The following CNTNAP2 variants were observed in gnomAD, a reference collection of about 807,000 sequenced individuals.
CNTNAP2 encodes the protein contactin associated protein 2.
In CNTNAP2, 98 loss-of-function variants were observed where a neutral mutation model predicts 155.2. That is an observed-to-expected ratio of 0.63 (90% confidence interval 0.54 to 0.75). The LOEUF is 0.75. Among genes scored for constraint, CNTNAP2 ranks in the 30% least tolerant of loss-of-function variants. CNTNAP2 has a pLI of 0.00. For missense variants in CNTNAP2, 1,727 were observed against 1,688.1 expected (o/e 1.02, Z -0.40); for synonymous variants, 651 against 631.2 (o/e 1.03, Z -0.47).
intron 1 of CNTNAP2, among the ~76,000 whole-genome samples, chr7:146,241,748 C>T (rs891238886): frequency 1.3e-5 from 2 of 151,982 alleles, no homozygotes; most frequent in African/African-American, 4.8e-5. Context: ...TTCAAGAAAT[C>T]AAGTTTAAAG....
chr7:147,490,434 T>C (rs561184896), intron 11 of CNTNAP2, among the ~76,000 whole-genome samples: 4 of 152,348 alleles, frequency 2.6e-5, no homozygotes, highest in South Asian at 4.1e-4. Flanking sequence ...TGCACCTTAT[T>C]ACAGCACACG....
intron 1 of CNTNAP2, among the ~76,000 whole-genome samples, chr7:146,529,965 A>AAACAACAACAACAAC (rs59533423): frequency 0.012 from 1,749 of 150,624 alleles, 33 homozygotes; most frequent in African/African-American, 0.038. Context: ...CTCCGTCTCA[A>AAACAACAACAACAAC]AACAACAACA....
intron 8 of CNTNAP2, among the ~76,000 whole-genome samples, chr7:147,276,650 T>C (rs1436397368): frequency 6.6e-6 from 1 of 152,082 alleles, no homozygotes; most frequent in Non-Finnish European, 1.5e-5. Flanking sequence ...TGTTTTCTAC[T>C]GTAACAGCAT....
At chr7:148,320,310 A>G (rs1797767209) in intron 21 of CNTNAP2, among the ~76,000 whole-genome samples, 1 of 147,746 alleles carries the variant, frequency 6.8e-6, no homozygotes, top group Non-Finnish European at 1.5e-5. Context: ...GCACTGGACT[A>G]TGGGCAGTGG....
chr7:148,161,578 C>T (rs1220882039), intron 17 of CNTNAP2, among the ~76,000 whole-genome samples: 1 of 152,108 alleles, frequency 6.6e-6, no homozygotes, highest in Admixed American at 6.6e-5. Context: ...GAGTACCTCA[C>T]TCCCACCTAG....
chr7:147,301,213 TAAG>T (rs945269454), intron 9 of CNTNAP2, among the ~76,000 whole-genome samples: 2 of 152,290 alleles, frequency 1.3e-5, no homozygotes, highest in East Asian at 3.9e-4. Flanking sequence ...AAAAGATTAG[TAAG>T]AAGAAGATTA....
intron 2 of CNTNAP2, among the ~76,000 whole-genome samples, chr7:146,835,229 G>T (rs60667967): frequency 0.17 from 25,323 of 152,112 alleles, 6,601 homozygotes; most frequent in African/African-American, 0.56. Context: ...ATAAGTAACT[G>T]AAGAAAATTT....
intron 17 of CNTNAP2, among the ~76,000 whole-genome samples, chr7:148,160,730 T>C (rs1049865375): frequency 6.6e-6 from 1 of 152,206 alleles, no homozygotes; most frequent in Non-Finnish European, 1.5e-5. Context: ...CAGCTATTGA[T>C]GAAGGTGTTG....
At chr7:146,940,189 C>T (rs1388736653) in intron 3 of CNTNAP2, among the ~76,000 whole-genome samples, 1 of 150,116 alleles carries the variant, frequency 6.7e-6, no homozygotes, top group African/African-American at 2.5e-5. Context: ...TGGTCCCTTT[C>T]TTTTTTTATT....
chr7:147,938,348 T>G (rs957942918), intron 14 of CNTNAP2, among the ~76,000 whole-genome samples: 1 of 152,038 alleles, frequency 6.6e-6, no homozygotes, highest in Non-Finnish European at 1.5e-5. Flanking sequence ...CTAGGACCAA[T>G]TGGATGGATT....
At chr7:148,292,280 A>T (rs1193509382) in intron 21 of CNTNAP2, among the ~76,000 whole-genome samples, 1 of 152,212 alleles carries the variant, frequency 6.6e-6, no homozygotes. Context: ...AAGCTTATTG[A>T]ACGCTGTGGA....
chr7:147,615,455 AG>A (rs1200612338), intron 12 of CNTNAP2, among the ~76,000 whole-genome samples: 1 of 143,672 alleles, frequency 7.0e-6, no homozygotes, highest in Non-Finnish European at 1.5e-5. Context: ...TTAAAAAAAA[AG>A]AATGCAAGAA....
chr7:147,517,957 AACTC>A (rs1421531885), intron 11 of CNTNAP2, among the ~76,000 whole-genome samples: 3 of 152,166 alleles, frequency 2.0e-5, no homozygotes, highest in African/African-American at 2.4e-5. Flanking sequence ...TTGAGACAGA[AACTC>A]AATCTATTGT....
intron 3 of CNTNAP2, among the ~76,000 whole-genome samples, chr7:146,939,708 A>G (rs1185592933): frequency 6.6e-6 from 1 of 152,158 alleles, no homozygotes; most frequent in Admixed American, 6.5e-5. Flanking sequence ...GAGCATCCCA[A>G]TTTTATGGTT....
chr7:146,582,563 C>G (rs1044170261), intron 1 of CNTNAP2, among the ~76,000 whole-genome samples: 2 of 152,088 alleles, frequency 1.3e-5, no homozygotes, highest in African/African-American at 4.8e-5. Flanking sequence ...CAAGGTCAGA[C>G]ACTTGGAATT....
At chr7:146,809,466 A>T (rs962771152) in intron 2 of CNTNAP2, among the ~76,000 whole-genome samples, 1 of 151,980 alleles carries the variant, frequency 6.6e-6, no homozygotes, top group African/African-American at 2.4e-5. Flanking sequence ...GGTTCAAGCG[A>T]TTCTCTTTCC....
chr7:147,794,652 G>C (rs1439361267), intron 13 of CNTNAP2, among the ~76,000 whole-genome samples: 1 of 151,770 alleles, frequency 6.6e-6, no homozygotes, highest in Non-Finnish European at 1.5e-5. Flanking sequence ...TAGCCTCATA[G>C]AATGAATAGG....
chr7:147,074,763 G>A (rs1484904813), intron 4 of CNTNAP2, among the ~76,000 whole-genome samples: 3 of 152,094 alleles, frequency 2.0e-5, no homozygotes, highest in Non-Finnish European at 4.4e-5. Flanking sequence ...GGAGGTTTGT[G>A]TTTTGTCTTA....
intron 9 of CNTNAP2, among the ~76,000 whole-genome samples, chr7:147,354,810 C>T (rs1796034873): frequency 1.3e-5 from 2 of 151,930 alleles, no homozygotes; most frequent in African/African-American, 2.4e-5. Context: ...CTCTTATTTC[C>T]TTGAGCAGTG....
Sources: gnomAD v4.1 joint callset for allele counts (sites outside exome capture counted in the v4.1 genomes callset) on GRCh38, gnomAD v4.1.1 for gene constraint, MANE v1.5 for transcripts, NCBI Gene and HGNC (gene_info 2026-07-23, HGNC 2026-07-21) for gene names.